Variants in MED22 observed in about 807,000 individuals in gnomAD.
MED22 encodes the protein mediator of RNA polymerase II transcription subunit 22.
Under a neutral mutation model 22.7 loss-of-function variants are expected in MED22, and 22 were observed. That is an observed-to-expected ratio of 0.97 (90% CI 0.69 to 1.38). The LOEUF (loss-of-function observed/expected upper bound fraction) is 1.38. Among genes scored for constraint, MED22 ranks in the 40% most tolerant of loss-of-function variants. The pLI, the probability that MED22 is intolerant of heterozygous loss-of-function variation, is 0.00. For synonymous variants in MED22, 134 were observed against 119.4 expected (o/e 1.12, Z -0.80); for missense variants, 247 against 263.0 (o/e 0.94, Z 0.42).
At position 133,348,061 on chromosome 9, in the gene MED22, G is replaced by A; in HGVS notation, c.-178C>T. The A allele has an allele frequency of 2.5e-6, 2 of 810,206 alleles. No individual in the cohort carries two copies. Among genetic ancestry groups the A allele is most frequent in the Non-Finnish European group, 4.1e-6 (2 of 490,798 alleles). 50.2% of individuals were successfully genotyped at this position (810,206 alleles called of 1,614,324 possible). The stretch of plus-strand genomic sequence containing the variant: ...CGCCGCAGTCTCTCTTCCCCGCCGC[G>A]CCGCGGTCCGAAAACCTAGTCAGCC... On this transcript the variant is annotated 5_prime_UTR_variant, in exon 1 of 5. Coordinates refer to ENST00000343730, the MANE Select transcript of MED22 (RefSeq NM_133640.5).
chr9:133,340,219 A>G lies in MED22; in HGVS notation c.*1286T>C, dbSNP rs1835969971. 6.6e-6 allele frequency: 1 copy of G among 152,170 alleles called. No individual in the cohort carries two copies. The highest frequency in any genetic ancestry group is 1.5e-5 in the Non-Finnish European group (1 of 68,062). 9.4% of individuals were successfully genotyped at this position (152,170 alleles called of 1,614,324 possible). A position where few individuals can be genotyped will look rare whatever the true frequency, so the allele number is the denominator to read the frequency against. On this transcript the variant is annotated 3_prime_UTR_variant, in exon 5 of 5. Coordinates refer to ENST00000343730, the MANE Select transcript of MED22 (RefSeq NM_133640.5). ...AGCAACTTCCCTAGGCCACCCCAGA[A>G]GCCAGGTCCAGAGCCAGGACTGGGC...
rs923107155 is a variant in MED22, at chr9:133,339,204, T to C, written c.*2301A>G. On this transcript the variant is annotated 3_prime_UTR_variant, in exon 5 of 5. Transcript: ENST00000343730. ...GTCTACAGTGTTCCCCAGCATGCTG[T>C]TGGCACTGTTGTAAACAAGTAAGGG... 7.2e-6 allele frequency: 5 copies of C among 694,990 alleles called. No individual in the cohort carries two copies. The highest frequency in any genetic ancestry group is 1.8e-5 in the African/African-American group (1 of 56,988). The allele number at this position is 694,990 out of a possible 1,614,324, so 43.1% of individuals were successfully genotyped here.
Position 133,340,820 on chromosome 9 carries a change from G to A in MED22, c.*685C>T, listed in dbSNP as rs1835981800. On this transcript the variant is annotated 3_prime_UTR_variant, in exon 5 of 5. Coordinates refer to ENST00000343730, the MANE Select transcript of MED22 (RefSeq NM_133640.5). ...GACCTTGGGCCAGGCTGTCCAGGCAGAGCTGAGGAGCTGCTGCTCGGACAA... is the reference window on the plus strand; with the variant it reads ...GACCTTGGGCCAGGCTGTCCAGGCAAAGCTGAGGAGCTGCTGCTCGGACAA... 6.6e-6 allele frequency: 1 copy of A among 152,324 alleles called. No homozygotes were observed. Among genetic ancestry groups the A allele is most frequent in the African/African-American group, 2.4e-5 (1 of 41,472 alleles). 9.4% of individuals were successfully genotyped at this position (152,324 alleles called of 1,614,324 possible). A position where few individuals can be genotyped will look rare whatever the true frequency, so the allele number is the denominator to read the frequency against.
At chr9:133,346,726 T>G (rs2129969978) in intron 1 of MED22, 26 bp from the exon 2 acceptor site, 1 of 1,580,792 alleles carries the variant, frequency 6.3e-7, no homozygotes, top group Middle Eastern at 1.8e-4. Context: ...GACCTCTGAG[T>G]GCAGGCAGAG....
At chr9:133,343,719 C>CA in intron 4 of MED22, 14 of 1,294,494 alleles carry the variant, frequency 1.1e-5, no homozygotes, top group Non-Finnish European at 1.4e-5. Flanking sequence ...CCTGACTGCC[C>CA]AAAAAAGGCT....
In MED22 at chr9:133,341,447, G is replaced by A; in HGVS notation, c.*58C>T. 1 of 1,429,786 alleles carries A rather than the reference G, an allele frequency of 7.0e-7. No homozygotes were observed. 88.6% of individuals were successfully genotyped at this position (1,429,786 alleles called of 1,614,324 possible). On this transcript the variant is annotated 3_prime_UTR_variant, in exon 5 of 5. Coordinates refer to ENST00000343730, the MANE Select transcript of MED22 (RefSeq NM_133640.5). ...AGGCTGAGAGAAGCAAGGCTGTGAG[G>A]GCATCCAAAGGGCTGCCTCAGGTTT...
At chr9:133,343,685 T>C in intron 4 of MED22, 1 of 1,261,302 alleles carries the variant, frequency 7.9e-7, no homozygotes, top group Non-Finnish European at 1.0e-6. Context: ...ATTGCATCCC[T>C]GGTGCCCTGG....
At chr9:133,345,782 G>C (rs2129966194) in intron 2 of MED22, among the ~76,000 whole-genome samples, 1 of 152,218 alleles carries the variant, frequency 6.6e-6, no homozygotes, top group Non-Finnish European at 1.5e-5. Context: ...GCTGGATGGG[G>C]CTTCCCGGCA....
At position 133,346,703 on chromosome 9, in the gene MED22, A is replaced by G; in HGVS notation, c.-38-3T>C. 1.2e-6 allele frequency: 2 copies of G among 1,604,194 alleles called. No individual in the cohort carries two copies. Among genetic ancestry groups the G allele is most frequent in the Non-Finnish European group, 1.7e-6 (2 of 1,178,840 alleles). On this transcript the variant is annotated splice_region_variant and splice_polypyrimidine_tract_variant and intron_variant, in intron 1 of 4. Transcript: ENST00000343730. Reference sequence around the variant, plus strand: ...AGCGCAGCGGGGAGACCTGGGACCTAGAGTGCAGCACAGACCTCTGAGTGC... The same window carrying G: ...AGCGCAGCGGGGAGACCTGGGACCTGGAGTGCAGCACAGACCTCTGAGTGC...
At chr9:133,346,056 G>A (rs1836170082) in intron 2 of MED22, among the ~76,000 whole-genome samples, 1 of 152,228 alleles carries the variant, frequency 6.6e-6, no homozygotes. Flanking sequence ...GTACATGCTA[G>A]CTTCCATCCT....
chr9:133,343,378 A>G, intron 4 of MED22: 3 of 1,229,742 alleles, frequency 2.4e-6, no homozygotes, highest in Non-Finnish European at 3.0e-6. Context: ...GTTTCCCCCT[A>G]AGTAAATGAT....
chr9:133,345,047 C>T (rs2129963436), intron 3 of MED22, 125 bp downstream of exon 3: 1 of 865,302 alleles, frequency 1.2e-6, no homozygotes, highest in East Asian at 2.6e-5. Flanking sequence ...ACATTTGCCT[C>T]CTTCTGCTCC....
intron 4 of MED22, chr9:133,343,049 C>T (rs2129955687): frequency 2.0e-6 from 2 of 989,146 alleles, no homozygotes; most frequent in South Asian, 9.4e-5. Context: ...GAAATGCTGC[C>T]TCATGTCTGC....
In MED22 at chr9:133,344,204, ACTC is replaced by A. The variant is rs1836110258; in HGVS notation, c.331_333del (p.Glu111del). On this transcript the variant is annotated inframe_deletion, in exon 4 of 5. Transcript: ENST00000343730. Reference sequence around the variant, plus strand: ...CGCAGCGTGATGAGCTTCCGGTCGCACTCCTCCTGCAGTGTGCGCAGCTGCTGG... The same window carrying A: ...CGCAGCGTGATGAGCTTCCGGTCGCACTCCTGCAGTGTGCGCAGCTGCTGG... The A allele has an allele frequency of 6.2e-7, 1 of 1,613,940 alleles. No individual in the cohort carries two copies. Among genetic ancestry groups the A allele is most frequent in the Non-Finnish European group, 8.5e-7 (1 of 1,179,978 alleles).
chr9:133,344,024 G>T, intron 4 of MED22, 101 bp downstream of exon 4: 1 of 1,562,504 alleles, frequency 6.4e-7, no homozygotes, highest in Non-Finnish European at 8.7e-7. Context: ...CCACTGCTAA[G>T]ACCAGCAAGA....
At chr9:133,343,900 G>A in intron 4 of MED22, 1 of 1,428,670 alleles carries the variant, frequency 7.0e-7, no homozygotes, top group Non-Finnish European at 9.1e-7. Flanking sequence ...TGAGTCCTGT[G>A]GTTTTCATCA....
chr9:133,339,055 T>C lies in MED22; in HGVS notation c.*2450A>G. ...TGTTCTCTAGGCCTTTCAGAAAACA[T>C]GCAGTTGTTCCTTTGGCCAAGTATA... On this transcript the variant is annotated 3_prime_UTR_variant, in exon 5 of 5. Transcript: ENST00000343730. The C allele has an allele frequency of 1.4e-6, 1 of 718,034 alleles. No individual in the cohort carries two copies. The highest frequency in any genetic ancestry group is 2.9e-5 in the East Asian group (1 of 34,558). The allele number at this position is 718,034 out of a possible 1,614,324, so 44.5% of individuals were successfully genotyped here.
chr9:133,341,395 G>C lies in MED22; in HGVS notation c.*110C>G, dbSNP rs1408076977. ...CCCAAGGAAGTCCTAGTGGCTCTGG[G>C]GTCCTGAAGTCCCCAAATGGGAACC... On this transcript the variant is annotated 3_prime_UTR_variant, in exon 5 of 5. Transcript: ENST00000343730. The C allele has an allele frequency of 4.1e-6, 5 of 1,215,514 alleles. No individual in the cohort carries two copies. Among genetic ancestry groups the C allele is most frequent in the Admixed American group, 8.1e-5 (2 of 24,548 alleles). 75.3% of individuals were successfully genotyped at this position (1,215,514 alleles called of 1,614,324 possible).
intron 1 of MED22, among the ~76,000 whole-genome samples, chr9:133,346,943 G>A (rs1162654986): frequency 6.6e-6 from 1 of 152,142 alleles, no homozygotes; most frequent in African/African-American, 2.4e-5. Context: ...CCTGTCCAGG[G>A]CTCCAGTCCA....
Sources: allele counts gnomAD v4.1 joint callset (sites outside exome capture counted in the v4.1 genomes callset), GRCh38; gene constraint gnomAD v4.1.1; transcripts MANE v1.5; gene names NCBI Gene and HGNC (gene_info 2026-07-23, HGNC 2026-07-21).